The following TPR variants were observed in gnomAD, a reference collection of about 807,000 sequenced individuals.
TPR encodes nucleoprotein TPR.
Under a neutral mutation model 316.1 loss-of-function variants are expected in TPR, and 51 were observed. The observed-to-expected ratio is 0.16, with a 90% confidence interval of 0.13 to 0.20. The LOEUF is 0.20. Ranked by LOEUF, TPR falls within the 10% of genes least tolerant of loss-of-function variation. The pLI, the probability that TPR is intolerant of heterozygous loss-of-function variation, is 1.00. For synonymous variants in TPR, 981 were observed against 914.7 expected (o/e 1.07, Z -1.31); for missense variants, 2,272 against 2,754.8 (o/e 0.82, Z 3.92).
At position 186,331,584 on chromosome 1, in the gene TPR, G is replaced by A; in HGVS notation, c.5605-3C>T. 1 of 1,599,904 alleles carries A rather than the reference G, an allele frequency of 6.3e-7. No individual in the cohort carries two copies. The highest frequency in any genetic ancestry group is 8.5e-7 in the Non-Finnish European group (1 of 1,170,988). ...CTTTCTTCTGCCATAACTTCTTCCT[G>A]TATCATAATACACTAATATATTAAC... On this transcript the variant is annotated splice_polypyrimidine_tract_variant and splice_region_variant and intron_variant, in intron 38 of 50. Coordinates refer to ENST00000367478, the MANE Select transcript of TPR (RefSeq NM_003292.3).
chr1:186,359,767 T>C, intron 12 of TPR, 32 bp downstream of exon 12: 2 of 1,567,448 alleles, frequency 1.3e-6, no homozygotes, highest in Non-Finnish European at 1.7e-6. Flanking sequence ...TTTGTATTGT[T>C]ACCACGGCTA....
intron 21 of TPR, among the ~76,000 whole-genome samples, chr1:186,349,120 C>T (rs1468289486): frequency 6.6e-6 from 1 of 152,158 alleles, no homozygotes; most frequent in African/African-American, 2.4e-5. Context: ...TAGCTTATAG[C>T]TTAGCCTAGA....
chr1:186,353,176 T>C (rs145552148), intron 18 of TPR, among the ~76,000 whole-genome samples: 1,607 of 152,148 alleles, frequency 0.011, 14 homozygotes, highest in African/African-American at 0.019. Flanking sequence ...ATCGAGACCA[T>C]CCTGGCTAAC....
intron 9 of TPR, among the ~76,000 whole-genome samples, chr1:186,361,139 G>A (rs1659173659): frequency 6.6e-6 from 1 of 151,888 alleles, no homozygotes; most frequent in Non-Finnish European, 1.5e-5. Context: ...GAAACCCAAA[G>A]GGTAAAAAGT....
chr1:186,346,151 T>C lies in TPR; in HGVS notation c.3080A>G (p.Glu1027Gly), dbSNP rs763044469. 6.2e-7 allele frequency: 1 copy of C among 1,612,350 alleles called. No individual in the cohort carries two copies. Among genetic ancestry groups the C allele is most frequent in the Non-Finnish European group, 8.5e-7 (1 of 1,179,322 alleles). Residue 1027 changes from glutamate (E) to glycine (G), a missense_variant, in exon 23 of 51, where the codon GAG becomes GGG. Physicochemically the swap from Glu to Gly is moderately conservative, Grantham distance 98. This residue lies in a region of TPR where 757 missense variants were observed against 859.8 expected (regional missense o/e 0.88). Transcript: ENST00000367478. ...CCTATTTACCTGTTGTTCCATGCTC[T>C]CTATGGCTCTTCTTTTATCATCCTG... ...ELQDDKRRAI[E>G]SMEQQLSELK...
In TPR at chr1:186,313,619, T is replaced by G. The variant is rs758081242; in HGVS notation, c.*352A>C. 1.0e-6 allele frequency: 1 copy of G among 964,620 alleles called. No individual in the cohort carries two copies. Among genetic ancestry groups the G allele is most frequent in the Non-Finnish European group, 1.7e-6 (1 of 589,348 alleles). The allele number at this position is 964,620 out of a possible 1,614,324, so 59.8% of individuals were successfully genotyped here. ...CTTTGAGCATAATAGTCAACATAAGTTATTTTTTAGTTTGGGCATTGTTTT... is the reference window on the plus strand; with the variant it reads ...CTTTGAGCATAATAGTCAACATAAGGTATTTTTTAGTTTGGGCATTGTTTT... On this transcript the variant is annotated 3_prime_UTR_variant, in exon 51 of 51. Coordinates refer to ENST00000367478, the MANE Select transcript of TPR (RefSeq NM_003292.3).
In TPR at chr1:186,312,739, G is replaced by T. The variant is rs748574099; in HGVS notation, c.*1232C>A. 1.1e-5 allele frequency: 17 copies of T among 1,607,664 alleles called. No homozygotes were observed. Among genetic ancestry groups the T allele is most frequent in the Admixed American group, 1.7e-5 (1 of 59,996 alleles). On this transcript the variant is annotated 3_prime_UTR_variant, in exon 51 of 51. Transcript: ENST00000367478. Reference sequence around the variant, plus strand: ...AAGATAGTACATTGCCTTTTAATCTGGTATCTTTTATTAAACATGCCACTT... The same window carrying T: ...AAGATAGTACATTGCCTTTTAATCTTGTATCTTTTATTAAACATGCCACTT...
At chr1:186,356,783 T>G (rs769014886) in intron 14 of TPR, among the ~76,000 whole-genome samples, 16 of 152,192 alleles carry the variant, frequency 1.1e-4, no homozygotes, top group Non-Finnish European at 2.2e-4. Context: ...CTCTGACTAA[T>G]TCTTACATAG....
At chr1:186,369,665 T>C (rs1383908131) in intron 3 of TPR, among the ~76,000 whole-genome samples, 1 of 152,178 alleles carries the variant, frequency 6.6e-6, no homozygotes, top group Non-Finnish European at 1.5e-5. Flanking sequence ...TTTCTACATA[T>C]AGGATCATAT....
intron 36 of TPR, among the ~76,000 whole-genome samples, chr1:186,333,609 T>A (rs1362028177): frequency 6.6e-6 from 1 of 152,114 alleles, no homozygotes; most frequent in Non-Finnish European, 1.5e-5. Flanking sequence ...TAAATAAATA[T>A]CTGTAACTGA....
At chr1:186,327,171 TA>T (rs1408035846) in intron 40 of TPR, among the ~76,000 whole-genome samples, 2 of 3,532 alleles carry the variant, frequency 5.7e-4, no homozygotes, top group Non-Finnish European at 8.6e-4. Flanking sequence ...ATAACATATA[TA>T]TTATATATAT....
intron 20 of TPR, among the ~76,000 whole-genome samples, chr1:186,350,922 T>C (rs994209682): frequency 6.6e-6 from 1 of 152,118 alleles, no homozygotes; most frequent in Admixed American, 6.5e-5. Context: ...GAATAATGCC[T>C]GTTCTGCAGC....
At chr1:186,362,011 G>A in intron 7 of TPR, 142 bp from the exon 8 acceptor site, 2 of 711,484 alleles carry the variant, frequency 2.8e-6, no homozygotes, top group East Asian at 2.8e-5. Flanking sequence ...TCATGACAAA[G>A]ATAAATTAAG....
chr1:186,364,521 T>C (rs943156883), intron 4 of TPR, among the ~76,000 whole-genome samples: 1 of 152,236 alleles, frequency 6.6e-6, no homozygotes, highest in African/African-American at 2.4e-5. Context: ...GCAGGATTGC[T>C]ATCACATACC....
At chr1:186,347,586 A>C (rs1658722973) in intron 21 of TPR, 128 bp from the exon 22 acceptor site, 1 of 945,110 alleles carries the variant, frequency 1.1e-6, no homozygotes, top group African/African-American at 1.7e-5. Context: ...ATTTCAATCC[A>C]TGCCGAATAC....
At chr1:186,345,497 A>C in intron 24 of TPR, 83 bp downstream of exon 24, 1 of 1,094,628 alleles carries the variant, frequency 9.1e-7, no homozygotes, top group Non-Finnish European at 1.4e-6. Context: ...TGTAAGGTCC[A>C]CCAGTTCTTA....
intron 43 of TPR, 138 bp downstream of exon 43, chr1:186,323,548 A>G (rs1247019520): frequency 2.7e-6 from 2 of 749,400 alleles, no homozygotes; most frequent in East Asian, 6.6e-5. Context: ...TTTTATAAAA[A>G]TATGCCAAAA....
chr1:186,326,210 T>A lies in TPR; in HGVS notation c.5915A>T (p.Asp1972Val). The stretch of plus-strand genomic sequence containing the variant: ...CCCTGTGTCATCTTCATCATCATCA[T>A]CATCTTCCTCATCCTCTTCATAATC... The part of the protein sequence containing the change: ...HEDYEEDEED[D>V]DDDEDDTGMG... Residue 1972 changes from aspartate to valine, a missense_variant, in exon 41 of 51, where the codon GAT becomes GTT. Transcript: ENST00000367478. 6.2e-7 allele frequency: 1 copy of A among 1,611,046 alleles called. No individual in the cohort carries two copies. The highest frequency in any genetic ancestry group is 8.5e-7 in the Non-Finnish European group (1 of 1,178,016).
intron 21 of TPR, 59 bp from the exon 22 acceptor site, chr1:186,347,517 T>C: frequency 6.5e-7 from 1 of 1,533,292 alleles, no homozygotes; most frequent in South Asian, 1.3e-5. Context: ...GAGATGACTG[T>C]TATAAAGAGC....
Sources: allele counts gnomAD v4.1 joint callset (sites outside exome capture counted in the v4.1 genomes callset), GRCh38; gene constraint gnomAD v4.1.1; regional missense constraint gnomAD v4.1.1; transcripts MANE v1.5; gene names NCBI Gene and HGNC (gene_info 2026-07-23, HGNC 2026-07-21).